MBTPS1: variants seen among roughly 807,000 people sequenced by gnomAD.
MBTPS1 encodes the protein membrane bound transcription factor peptidase, site 1, also known as membrane-bound transcription factor site-1 protease.
In MBTPS1, 94 loss-of-function variants were observed where a neutral mutation model predicts 127.8. The ratio of observed to expected loss-of-function variants is 0.74; its 90% CI spans 0.62 to 0.87. MBTPS1 has a LOEUF of 0.87. Ranked by LOEUF, MBTPS1 falls within the 40% of genes least tolerant of loss-of-function variation. MBTPS1 has a pLI of 0.00. For missense variants in MBTPS1, 1,636 were observed against 1,353.2 expected (o/e 1.21, Z -3.28); for synonymous variants, 632 against 509.4 (o/e 1.24, Z -3.24).
intron 1 of MBTPS1, among the ~76,000 whole-genome samples, chr16:84,110,536 T>C (rs1219742761): frequency 6.6e-6 from 1 of 152,180 alleles, no homozygotes; most frequent in African/African-American, 2.4e-5. Context: ...AAAATGAACA[T>C]TAAAAACTTT....
intron 12 of MBTPS1, 65 bp downstream of exon 12, chr16:84,074,532 C>T: frequency 6.5e-7 from 1 of 1,533,404 alleles, no homozygotes; most frequent in East Asian, 2.3e-5. Context: ...TAACTATGGC[C>T]TAAAGGTCTG....
chr16:84,104,996 G>A (rs572159264), intron 1 of MBTPS1, among the ~76,000 whole-genome samples: 18 of 151,976 alleles, frequency 1.2e-4, no homozygotes, highest in Non-Finnish European at 2.2e-4. Flanking sequence ...CAACTACTCC[G>A]GAGGGTGAGG....
chr16:84,080,838 A>C (rs1031812155), intron 11 of MBTPS1, among the ~76,000 whole-genome samples: 10 of 151,738 alleles, frequency 6.6e-5, no homozygotes, highest in Non-Finnish European at 1.0e-4. Flanking sequence ...AGAGGCCCTC[A>C]CTCCCCACAT....
chr16:84,080,813 T>A (rs766228946), intron 11 of MBTPS1, among the ~76,000 whole-genome samples: 12 of 152,332 alleles, frequency 7.9e-5, no homozygotes, highest in Non-Finnish European at 1.5e-4. Context: ...TCCCACACCC[T>A]TCCCTTTATC....
chr16:84,081,928 T>C lies in MBTPS1; in HGVS notation c.1287-20A>G. The C allele has an allele frequency of 7.4e-7, 1 of 1,353,944 alleles. No individual in the cohort carries two copies. The highest frequency in any genetic ancestry group is 9.6e-7 in the Non-Finnish European group (1 of 1,041,586). The allele number at this position is 1,353,944 out of a possible 1,614,324, so 83.9% of individuals were successfully genotyped here. A position where few individuals can be genotyped will look rare whatever the true frequency, so the allele number is the denominator to read the frequency against. On this transcript the variant is annotated intron_variant, in intron 10 of 22. Coordinates refer to ENST00000343411, the MANE Select transcript of MBTPS1 (RefSeq NM_003791.4). ...ACTGTGCTGGAGGAAAAATCAAGAA[T>C]TGCCTATTTTCTCTCAGTAAAAGAA...
In MBTPS1 at chr16:84,115,240, CT is replaced by C. The variant is rs531681235; in HGVS notation, c.-325+1494del. ...CGCGCCCGGCCCAGCCTTCCTAGTT[CT>C]TGTTAACCTCCTGACTAGAAGAGCT... On this transcript the variant is annotated intron_variant, in intron 1 of 22. Transcript: ENST00000343411. Among the ~76,000 whole-genome samples the C allele has an allele frequency of 1.9e-3, 288 of 152,312 alleles. 1 individual carries two copies. The highest frequency in any genetic ancestry group is 2.9e-3 in the Non-Finnish European group (200 of 68,026).
intron 22 of MBTPS1, among the ~76,000 whole-genome samples, chr16:84,055,061 A>T (rs1371845896): frequency 6.6e-6 from 1 of 152,158 alleles, no homozygotes; most frequent in Non-Finnish European, 1.5e-5. Flanking sequence ...AGGAGGAGAA[A>T]GGGGGCGTGG....
intron 8 of MBTPS1, among the ~76,000 whole-genome samples, chr16:84,088,207 C>T (rs1184933789): frequency 6.6e-6 from 1 of 151,942 alleles, no homozygotes; most frequent in African/African-American, 2.4e-5. Flanking sequence ...GGCTCCACTA[C>T]CAAAAAAAAT....
Position 84,085,200 on chromosome 16 carries a change from G to C in MBTPS1, c.1135-66C>G, listed in dbSNP as rs147766686. On this transcript the variant is annotated intron_variant, in intron 9 of 22. Coordinates refer to ENST00000343411, the MANE Select transcript of MBTPS1 (RefSeq NM_003791.4). ...GGCATACAGCCGCATGCAATCATGA[G>C]TGAATCAAATCAGAACAGAGATATG... 9.3e-3 allele frequency: 13,878 copies of C among 1,492,876 alleles called. 97 individuals are homozygous for C. Among genetic ancestry groups the C allele is most frequent in the Middle Eastern group, 0.018 (102 of 5,772 alleles). The allele number at this position is 1,492,876 out of a possible 1,614,324, so 92.5% of individuals were successfully genotyped here. A position where few individuals can be genotyped will look rare whatever the true frequency, so the allele number is the denominator to read the frequency against.
At chr16:84,092,678 A>G (rs1463595645) in intron 6 of MBTPS1, among the ~76,000 whole-genome samples, 1 of 152,212 alleles carries the variant, frequency 6.6e-6, no homozygotes, top group Admixed American at 6.5e-5. Context: ...AAAAAGAAAC[A>G]AATACTAGGA....
intron 9 of MBTPS1, among the ~76,000 whole-genome samples, chr16:84,085,571 GC>G (rs1262871740): frequency 4.9e-5 from 4 of 80,828 alleles, no homozygotes; most frequent in African/African-American, 9.6e-5. Context: ...CCCCGCACCC[GC>G]CCCCCCCCCA....
chr16:84,113,706 T>G (rs1383069635), intron 1 of MBTPS1, among the ~76,000 whole-genome samples: 1 of 152,236 alleles, frequency 6.6e-6, no homozygotes, highest in Non-Finnish European at 1.5e-5. Context: ...GAAAATGACT[T>G]GTATCACCCG....
intron 14 of MBTPS1, 137 bp downstream of exon 14, chr16:84,069,729 G>C (rs2085742397): frequency 1.2e-6 from 1 of 812,682 alleles, no homozygotes; most frequent in East Asian, 2.6e-5. Context: ...CATGGCAAAA[G>C]CCTGAACATC....
intron 11 of MBTPS1, among the ~76,000 whole-genome samples, chr16:84,077,081 C>G (rs556526907): frequency 1.1e-4 from 17 of 151,872 alleles, no homozygotes; most frequent in African/African-American, 4.1e-4. Flanking sequence ...GAAAAATTAG[C>G]GGGGCATGGG....
At position 84,083,310 on chromosome 16, in the gene MBTPS1, GA is replaced by G. The variant is rs1284028255; in HGVS notation, c.1287-1403del. ...TCACTTGATATAACACTGGAGAGAG[GA>G]AAACAACGGCAAGAGAAGACAGTGT... On this transcript the variant is annotated intron_variant, in intron 10 of 22. Transcript: ENST00000343411. 5.3e-5 allele frequency among the ~76,000 whole-genome samples: 8 copies of G among 152,288 alleles called. No individual in the cohort carries two copies. The East Asian group carries it at 1.2e-3, about 22-fold the overall frequency.
intron 12 of MBTPS1, among the ~76,000 whole-genome samples, chr16:84,074,227 G>C (rs1048422788): frequency 1.1e-4 from 16 of 151,918 alleles, no homozygotes; most frequent in Admixed American, 5.9e-4. Flanking sequence ...ACCCTAGACA[G>C]GGCTATTTCC....
intron 2 of MBTPS1, among the ~76,000 whole-genome samples, chr16:84,100,615 C>T (rs769345825): frequency 6.6e-6 from 1 of 151,988 alleles, no homozygotes; most frequent in Non-Finnish European, 1.5e-5. Flanking sequence ...GTAGTCCCAG[C>T]TACTCAGGAG....
intron 11 of MBTPS1, among the ~76,000 whole-genome samples, chr16:84,076,950 G>A (rs2085862799): frequency 6.6e-6 from 1 of 152,196 alleles, no homozygotes; most frequent in Non-Finnish European, 1.5e-5. Flanking sequence ...GAAGGGCCGG[G>A]TGAAGTGACT....
At chr16:84,061,789 T>C (rs898702262) in intron 19 of MBTPS1, among the ~76,000 whole-genome samples, 1 of 152,198 alleles carries the variant, frequency 6.6e-6, no homozygotes, top group African/African-American at 2.4e-5. Context: ...CAACCTGGTA[T>C]TGAAACCTGG....
Sources: allele counts gnomAD v4.1 joint callset (sites outside exome capture counted in the v4.1 genomes callset), GRCh38; gene constraint gnomAD v4.1.1; transcripts MANE v1.5; gene names NCBI Gene and HGNC (gene_info 2026-07-23, HGNC 2026-07-21).